The following C7 variants were observed in gnomAD, a reference collection of about 807,000 sequenced individuals.
C7 encodes complement C7.
A neutral mutation model predicts 104.8 loss-of-function variants in C7; 83 were observed. The ratio of observed to expected loss-of-function variants is 0.79; its 90% CI spans 0.66 to 0.95. The LOEUF is 0.95. C7 is among the 40% of genes least tolerant of loss of function. C7 has a pLI of 0.00. For synonymous variants in C7, 415 were observed against 360.6 expected, an observed-to-expected ratio of 1.15 and a Z score of -1.71; for missense variants, 1,070 against 1,011.2, an observed-to-expected ratio of 1.06 and a Z score of -0.79.
chr5:40,929,974 C>T (rs1042207600), intron 2 of C7, among the ~76,000 whole-genome samples: 4 of 152,056 alleles, frequency 2.6e-5, no homozygotes, highest in Non-Finnish European at 5.9e-5. Context: ...CATTCAGAAT[C>T]CCTTCAAAGG....
chr5:40,929,868 C>T (rs545035208), intron 2 of C7, among the ~76,000 whole-genome samples: 1 of 152,284 alleles, frequency 6.6e-6, no homozygotes, highest in Non-Finnish European at 1.5e-5. Flanking sequence ...CCTGTCCATT[C>T]AGCCTCTGCC....
At chr5:40,931,306 G>T (rs181174142) in intron 3 of C7, among the ~76,000 whole-genome samples, 167 bp downstream of exon 3, 102 of 152,170 alleles carry the variant, frequency 6.7e-4, no homozygotes, top group African/African-American at 2.2e-3. Flanking sequence ...TAATTAATAT[G>T]GTAATAAAGT....
chr5:40,935,099 T>C (rs912156333), intron 4 of C7, among the ~76,000 whole-genome samples: 4 of 152,216 alleles, frequency 2.6e-5, no homozygotes, highest in Non-Finnish European at 4.4e-5. Flanking sequence ...ATAATCCCTG[T>C]GTTAGAAGTG....
At chr5:40,922,305 G>A (rs1739454640) in intron 1 of C7, among the ~76,000 whole-genome samples, 1 of 145,580 alleles carries the variant, frequency 6.9e-6, no homozygotes, top group African/African-American at 2.6e-5. Context: ...AACCCAGGAG[G>A]TGGAGGTTGC....
intron 16 of C7, 129 bp from the exon 17 acceptor site, chr5:40,979,596 C>CTTTTT: frequency 7.8e-6 from 4 of 512,010 alleles, no homozygotes; most frequent in Non-Finnish European, 9.5e-6. Context: ...GAGTTTCCAC[C>CTTTTT]TTTTTTTTTT....
At chr5:40,915,469 C>T (rs1206007118) in intron 1 of C7, among the ~76,000 whole-genome samples, 2 of 152,110 alleles carry the variant, frequency 1.3e-5, no homozygotes, top group Non-Finnish European at 2.9e-5. Context: ...GAAAATGTGA[C>T]TAGTGGTTAA....
intron 9 of C7, among the ~76,000 whole-genome samples, 166 bp from the exon 10 acceptor site, chr5:40,955,221 C>T (rs1740261822): frequency 6.6e-6 from 1 of 152,214 alleles, no homozygotes; most frequent in Admixed American, 6.5e-5. Context: ...TGTCACTGCC[C>T]TAAATATCCT....
chr5:40,942,649 G>T lies in C7; in HGVS notation c.568-2549G>T, dbSNP rs762159763. Among the ~76,000 whole-genome samples the T allele has an allele frequency of 9.6e-4, 146 of 152,140 alleles. 1 individual carries two copies. The highest frequency in any genetic ancestry group is 1.7e-3 in the Non-Finnish European group (119 of 68,010). Reference sequence around the variant, plus strand: ...ATAGGTACTGTAGAGAATGGGAGGAGGGAACTGACTAGAGAAATAAAGTAT... The same window carrying T: ...ATAGGTACTGTAGAGAATGGGAGGATGGAACTGACTAGAGAAATAAAGTAT... On this transcript the variant is annotated intron_variant, in intron 6 of 17. Transcript: ENST00000313164.
chr5:40,964,831 G>A lies in C7; in HGVS notation c.1840G>A (p.Gly614Arg), dbSNP rs868465649. ...TATTGGAAACCCAGTGGCCAGATGTGGAGAAGATTTACGGTGGCTTGTTGG... is the reference window on the plus strand; with the variant it reads ...TATTGGAAACCCAGTGGCCAGATGTAGAGAAGATTTACGGTGGCTTGTTGG... ...SLIGNPVARC[G>R]EDLRWLVGEM... The change falls in exon 14 of 18, where the codon GGA (glycine) becomes AGA (arginine). Residue 614 changes from glycine (G) to arginine (R), a missense_variant. Transcript: ENST00000313164. The A allele has an allele frequency of 6.2e-7, 1 of 1,613,730 alleles. No individual in the cohort carries two copies.
chr5:40,927,240 A>G (rs1739572537), intron 1 of C7, among the ~76,000 whole-genome samples: 1 of 152,172 alleles, frequency 6.6e-6, no homozygotes, highest in South Asian at 2.1e-4. Context: ...TTGTATATAA[A>G]AATCTACTCA....
chr5:40,978,726 T>G (rs1740871907), intron 16 of C7, among the ~76,000 whole-genome samples: 1 of 152,162 alleles, frequency 6.6e-6, no homozygotes, highest in South Asian at 2.1e-4. Flanking sequence ...AATGCTGTGT[T>G]GTCTAAGGTT....
At chr5:40,938,944 T>G (rs1011734350) in intron 6 of C7, among the ~76,000 whole-genome samples, 2 of 152,218 alleles carry the variant, frequency 1.3e-5, no homozygotes, top group South Asian at 4.1e-4. Context: ...TTCCACAGCC[T>G]CAACACAACG....
intron 14 of C7, among the ~76,000 whole-genome samples, chr5:40,966,568 G>A (rs138507731): frequency 0.015 from 2,271 of 151,924 alleles, 45 homozygotes; most frequent in African/African-American, 0.052. Flanking sequence ...TAGTAGAGAT[G>A]GGGTTTCACT....
rs544359094 is a variant in C7 at position 40,951,594 on chromosome 5, A to G, written c.1093+1580A>G. Among the ~76,000 whole-genome samples the G allele has an allele frequency of 4.6e-5, 7 of 152,288 alleles. No homozygotes were observed. In the East Asian group the frequency reaches 1.3e-3, roughly 29 times the overall value. On this transcript the variant is annotated intron_variant, in intron 9 of 17. Coordinates refer to ENST00000313164, the MANE Select transcript of C7 (RefSeq NM_000587.4). ...TAATCCACCCAGGTAACAAACCTGA[A>G]CATGTACCCCATGAATCGAGAATAA...
intron 1 of C7, among the ~76,000 whole-genome samples, 165 bp downstream of exon 1, chr5:40,909,781 T>G (rs1269437737): frequency 2.0e-5 from 3 of 152,172 alleles, no homozygotes; most frequent in Non-Finnish European, 2.9e-5. Flanking sequence ...GGGGTGATGT[T>G]TAGAAATCCT....
chr5:40,962,576 G>A (rs1465023492), intron 13 of C7, among the ~76,000 whole-genome samples: 1 of 152,056 alleles, frequency 6.6e-6, no homozygotes, highest in African/African-American at 2.4e-5. Context: ...GAAGTATTAG[G>A]TTTATTCCAG....
At chr5:40,950,498 A>G (rs937930845) in intron 9 of C7, among the ~76,000 whole-genome samples, 3 of 147,600 alleles carry the variant, frequency 2.0e-5, no homozygotes, top group African/African-American at 5.3e-5. Flanking sequence ...GTGAATAATT[A>G]CAAGCCTAAC....
At chr5:40,927,553 C>CA (rs1266093699) in intron 1 of C7, among the ~76,000 whole-genome samples, 1 of 151,236 alleles carries the variant, frequency 6.6e-6, no homozygotes, top group Non-Finnish European at 1.5e-5. Context: ...AGCAAGAAGA[C>CA]AAAAAACCCA....
intron 14 of C7, among the ~76,000 whole-genome samples, chr5:40,967,945 G>A (rs1579871482): frequency 6.6e-6 from 1 of 152,074 alleles, no homozygotes; most frequent in African/African-American, 2.4e-5. Flanking sequence ...TGTGCTTTAA[G>A]TCTTTTGTCA....
Sources: allele counts gnomAD v4.1 joint callset (sites outside exome capture counted in the v4.1 genomes callset), GRCh38; gene constraint gnomAD v4.1.1; transcripts MANE v1.5; gene names NCBI Gene and HGNC (gene_info 2026-07-23, HGNC 2026-07-21).